Variants in DCDC2 observed in about 807,000 individuals in gnomAD.
DCDC2 encodes the protein doublecortin domain containing 2, also known as doublecortin domain-containing protein 2.
DCDC2 carries 40 observed loss-of-function variants against 50.2 expected under a neutral mutation model. The observed-to-expected ratio is 0.80, with a 90% CI of 0.62 to 1.04. The LOEUF is 1.04. Ranked by LOEUF, DCDC2 falls within the 50% of genes least tolerant of loss-of-function variation. The pLI is 0.00. For synonymous variants in DCDC2, 234 were observed against 210.6 expected (o/e 1.11, Z -0.96); for missense variants, 570 against 581.9 (o/e 0.98, Z 0.21).
At chr6:24,288,547 A>G (rs951569807) in intron 6 of DCDC2, among the ~76,000 whole-genome samples, 1 of 152,242 alleles carries the variant, frequency 6.6e-6, no homozygotes, top group East Asian at 1.9e-4. Flanking sequence ...CTGGATGATC[A>G]TTGATGTGAC....
At chr6:24,352,072 C>A (rs1330922823) in intron 2 of DCDC2, among the ~76,000 whole-genome samples, 1 of 152,014 alleles carries the variant, frequency 6.6e-6, no homozygotes. Context: ...CCACCGCACT[C>A]CAGCCTGGGT....
intron 7 of DCDC2, among the ~76,000 whole-genome samples, chr6:24,249,764 T>C (rs1022193597): frequency 1.3e-5 from 2 of 152,216 alleles, no homozygotes; most frequent in East Asian, 1.9e-4. Flanking sequence ...TTGGGGATAG[T>C]AGATCCTCTA....
At chr6:24,282,508 G>A (rs548642390) in intron 6 of DCDC2, among the ~76,000 whole-genome samples, 8 of 152,196 alleles carry the variant, frequency 5.3e-5, no homozygotes, top group Non-Finnish European at 8.8e-5. Flanking sequence ...ATCCCAAAGT[G>A]CTGGGATTAC....
intron 2 of DCDC2, among the ~76,000 whole-genome samples, chr6:24,351,257 G>A (rs550590955): frequency 1.1e-4 from 16 of 152,302 alleles, no homozygotes; most frequent in South Asian, 2.1e-4. Context: ...GTCATGGTGC[G>A]AACTTTGGGG....
At chr6:24,372,286 G>C in the DCDC2 span, among the ~76,000 whole-genome samples, 1 of 152,110 alleles carries the variant, frequency 6.6e-6, no homozygotes, top group Non-Finnish European at 1.5e-5. Flanking sequence ...CAGGCATGGT[G>C]CGGGCGTCTG....
chr6:24,365,208 G>A, the DCDC2 span, among the ~76,000 whole-genome samples: 1 of 152,168 alleles, frequency 6.6e-6, no homozygotes, highest in African/African-American at 2.4e-5. Context: ...CTCCTATCCA[G>A]AACCAAATCC....
chr6:24,285,054 GCA>G (rs375292739), intron 6 of DCDC2, among the ~76,000 whole-genome samples: 5 of 151,304 alleles, frequency 3.3e-5, no homozygotes, highest in Admixed American at 6.6e-5. Context: ...ACACATACAT[GCA>G]CACACACACA....
intron 2 of DCDC2, among the ~76,000 whole-genome samples, chr6:24,323,344 C>G (rs1759803797): frequency 6.6e-6 from 1 of 152,096 alleles, no homozygotes; most frequent in Non-Finnish European, 1.5e-5. Context: ...ATAGGAACAC[C>G]AAACAAGACG....
At chr6:24,184,350 T>A (rs1278780936) in intron 8 of DCDC2, among the ~76,000 whole-genome samples, 1 of 152,004 alleles carries the variant, frequency 6.6e-6, no homozygotes, top group East Asian at 1.9e-4. Context: ...GGCAGGAGGA[T>A]TAACTGAGCT....
At chr6:24,195,761 T>C (rs966471255) in intron 8 of DCDC2, among the ~76,000 whole-genome samples, 6 of 152,174 alleles carry the variant, frequency 3.9e-5, no homozygotes, top group African/African-American at 1.2e-4. Flanking sequence ...TTGAGAATGA[T>C]TGTTCTGGAA....
chr6:24,325,040 C>T (rs939182447), intron 2 of DCDC2, among the ~76,000 whole-genome samples: 2 of 152,096 alleles, frequency 1.3e-5, no homozygotes, highest in Non-Finnish European at 2.9e-5. Flanking sequence ...AGGCCATGTT[C>T]GTCTTACTCT....
At chr6:24,247,673 A>G (rs1012740705) in intron 7 of DCDC2, among the ~76,000 whole-genome samples, 11 of 152,250 alleles carry the variant, frequency 7.2e-5, no homozygotes, top group African/African-American at 2.7e-4. Context: ...TATCACGCAC[A>G]TGAAGAAACG....
chr6:24,374,003 A>C, the DCDC2 span, among the ~76,000 whole-genome samples: 1 of 152,056 alleles, frequency 6.6e-6, no homozygotes, highest in African/African-American at 2.4e-5. Context: ...TCTACTAAAA[A>C]TACAAAAAAT....
chr6:24,359,169 TTATATA>T (rs1158302280), upstream of DCDC2, among the ~76,000 whole-genome samples: 1 of 68,144 alleles, frequency 1.5e-5, no homozygotes, highest in Non-Finnish European at 2.4e-5. Context: ...TTTATATATT[TTATATA>T]TATTTTATAT....
chr6:24,358,997 A>T (rs1207665261), upstream of DCDC2, among the ~76,000 whole-genome samples: 244 of 54,520 alleles, frequency 4.5e-3, 6 homozygotes, highest in African/African-American at 0.02. Flanking sequence ...ATTATATATT[A>T]TATATTTTAT....
intron 7 of DCDC2, among the ~76,000 whole-genome samples, chr6:24,231,324 C>G (rs1220848548): frequency 6.6e-6 from 1 of 152,174 alleles, no homozygotes; most frequent in Non-Finnish European, 1.5e-5. Context: ...CATCTAGGCC[C>G]TGGGTACCAT....
chr6:24,357,183 G>T, intron 1 of DCDC2: 1 of 337,484 alleles, frequency 3.0e-6, no homozygotes, highest in Non-Finnish European at 5.4e-6. Context: ...ACTAACCTTT[G>T]CAAGGATACC....
At chr6:24,258,586 G>C (rs949068703) in intron 7 of DCDC2, among the ~76,000 whole-genome samples, 3 of 152,110 alleles carry the variant, frequency 2.0e-5, no homozygotes, top group Admixed American at 1.3e-4. Flanking sequence ...TCACCTCTCC[G>C]TAGCACCACA....
rs567072939 is a variant in DCDC2 at position 24,182,914 on chromosome 6, A to G, written c.1024-4282T>C. 3.3e-5 allele frequency among the ~76,000 whole-genome samples: 5 copies of G among 152,386 alleles called. No homozygotes were observed. The South Asian group carries it at 8.3e-4, about 25-fold the overall frequency. On this transcript the variant is annotated intron_variant, in intron 8 of 9. Coordinates refer to ENST00000378454, the MANE Select transcript of DCDC2 (RefSeq NM_016356.5). ...TGTGGAAGCAACCCAAGTGTTCATC[A>G]AAAGATGAGTGGATAATCAAAATGC...
Sources: allele counts gnomAD v4.1 joint callset (sites outside exome capture counted in the v4.1 genomes callset), GRCh38; gene constraint gnomAD v4.1.1; transcripts MANE v1.5; gene names NCBI Gene and HGNC (gene_info 2026-07-23, HGNC 2026-07-21).